PRTG: variants seen among roughly 807,000 people sequenced by gnomAD.
The protein encoded by PRTG is protogenin, also known as immunoglobulin superfamily, DCC subclass, member 5.
Under a neutral mutation model 122.5 loss-of-function variants are expected in PRTG, and 67 were observed. The observed-to-expected ratio is 0.55, with a 90% confidence interval of 0.45 to 0.67. The LOEUF is 0.67. Ranked by LOEUF, PRTG falls within the 30% of genes least tolerant of loss-of-function variation. The pLI is 0.00. For synonymous variants in PRTG, 554 were observed against 501.1 expected (o/e 1.11, Z -1.41); for missense variants, 1,435 against 1,415.4 (o/e 1.01, Z -0.22).
intron 2 of PRTG, among the ~76,000 whole-genome samples, chr15:55,693,823 C>T (rs1310220898): frequency 2.0e-5 from 3 of 152,048 alleles, no homozygotes; most frequent in East Asian, 1.9e-4. Context: ...TGTGCAGGCT[C>T]GGGAATAGTG....
chr15:55,698,832 A>G (rs770726474), intron 2 of PRTG, among the ~76,000 whole-genome samples: 1 of 152,070 alleles, frequency 6.6e-6, no homozygotes, highest in Non-Finnish European at 1.5e-5. Context: ...ATGCTCATAG[A>G]AAAAAAGGAG....
At chr15:55,668,109 T>C (rs890065298) in intron 11 of PRTG, among the ~76,000 whole-genome samples, 1 of 152,202 alleles carries the variant, frequency 6.6e-6, no homozygotes, top group Non-Finnish European at 1.5e-5. Context: ...AAATGCTGTA[T>C]AGTTTATTAT....
intron 2 of PRTG, chr15:55,702,895 C>T (rs751590809): frequency 3.0e-6 from 3 of 985,248 alleles, no homozygotes; most frequent in Non-Finnish European, 3.6e-6. Context: ...GGGGACAGAC[C>T]TTTTACAGGC....
At chr15:55,701,799 A>T (rs2029897350) in intron 2 of PRTG, among the ~76,000 whole-genome samples, 2 of 152,246 alleles carry the variant, frequency 1.3e-5, no homozygotes, top group Non-Finnish European at 2.9e-5. Context: ...TTAACAATAT[A>T]GATCAATAAA....
At chr15:55,662,330 A>C (rs1488227120) in intron 11 of PRTG, among the ~76,000 whole-genome samples, 1 of 152,192 alleles carries the variant, frequency 6.6e-6, no homozygotes, top group Non-Finnish European at 1.5e-5. Context: ...CTCTGAATTT[A>C]AGAGGCAGAA....
chr15:55,624,242 A>G (rs1436327283), intron 18 of PRTG, 100 bp downstream of exon 18: 2 of 995,964 alleles, frequency 2.0e-6, no homozygotes, highest in Non-Finnish European at 3.0e-6. Context: ...GAGTATTGGT[A>G]TAATACATTC....
chr15:55,680,399 T>C, intron 5 of PRTG, 92 bp downstream of exon 5: 2 of 1,361,482 alleles, frequency 1.5e-6, no homozygotes, highest in African/African-American at 3.0e-5. Context: ...CAAACCTGTG[T>C]TTTTGTATAT....
chr15:55,622,561 TTTTA>T (rs1278902517), intron 18 of PRTG, among the ~76,000 whole-genome samples: 5 of 11,796 alleles, frequency 4.2e-4, no homozygotes, highest in African/African-American at 5.9e-4. Context: ...TTTTTTTTTT[TTTTA>T]AATTTTTAGT....
intron 2 of PRTG, among the ~76,000 whole-genome samples, 191 bp downstream of exon 2, chr15:55,740,191 C>A (rs1465923853): frequency 6.6e-6 from 1 of 152,150 alleles, no homozygotes; most frequent in Non-Finnish European, 1.5e-5. Context: ...GACTTCTGTT[C>A]TCAATTACTC....
chr15:55,644,549 G>C (rs995842405), intron 11 of PRTG, among the ~76,000 whole-genome samples: 1 of 152,068 alleles, frequency 6.6e-6, no homozygotes, highest in African/African-American at 2.4e-5. Context: ...GACAGAAACA[G>C]CTTATGTGTC....
At position 55,612,933 on chromosome 15, in the gene PRTG, A is replaced by G. The variant is rs983269746; in HGVS notation, c.*7079T>C. The G allele has an allele frequency of 3.3e-5, 5 of 151,802 alleles. No homozygotes were observed. The highest frequency in any genetic ancestry group is 1.2e-4 in the African/African-American group (5 of 41,282). The allele number at this position is 151,802 out of a possible 1,614,324, so 9.4% of individuals were successfully genotyped here. ...GGGAGATGCAAACATTTTTCATTTC[A>G]ACAAAGGCAAAATATAATTGCAAAG... On this transcript the variant is annotated 3_prime_UTR_variant, in exon 20 of 20. Coordinates refer to ENST00000389286, the MANE Select transcript of PRTG (RefSeq NM_173814.6).
chr15:55,613,118 A>G lies in PRTG; in HGVS notation c.*6894T>C, dbSNP rs1053191677. 7 of 152,090 alleles carry G rather than the reference A, an allele frequency of 4.6e-5. No individual in the cohort carries two copies. Among genetic ancestry groups the G allele is most frequent in the Non-Finnish European group, 1.0e-4 (7 of 67,940 alleles). 9.4% of individuals were successfully genotyped at this position (152,090 alleles called of 1,614,324 possible). The stretch of plus-strand genomic sequence containing the variant: ...TCCTCATTTCATGGATGGAGAAGGC[A>G]CAGAAACAGTTTAAGAATTTTTGTA... On this transcript the variant is annotated 3_prime_UTR_variant, in exon 20 of 20. Coordinates refer to ENST00000389286, the MANE Select transcript of PRTG (RefSeq NM_173814.6).
chr15:55,659,647 C>T (rs567425809), intron 11 of PRTG, among the ~76,000 whole-genome samples: 6 of 152,198 alleles, frequency 3.9e-5, no homozygotes, highest in African/African-American at 9.6e-5. Context: ...CTGATTAGGC[C>T]GGGCGCAGTG....
chr15:55,717,962 T>G (rs1423134954), intron 2 of PRTG, among the ~76,000 whole-genome samples: 2 of 152,178 alleles, frequency 1.3e-5, no homozygotes, highest in Non-Finnish European at 2.9e-5. Flanking sequence ...CCTTTGGAGA[T>G]CAATCCCCTG....
At chr15:55,718,642 C>A (rs2030695551) in intron 2 of PRTG, among the ~76,000 whole-genome samples, 1 of 150,760 alleles carries the variant, frequency 6.6e-6, no homozygotes. Context: ...AAAAAAAACA[C>A]TTTGTAAAAA....
At chr15:55,716,508 G>A (rs1405276193) in intron 2 of PRTG, among the ~76,000 whole-genome samples, 8 of 152,136 alleles carry the variant, frequency 5.3e-5, no homozygotes, top group African/African-American at 1.9e-4. Context: ...ACTATCAAGA[G>A]GATTTCAGCA....
intron 15 of PRTG, among the ~76,000 whole-genome samples, chr15:55,634,104 G>A (rs1446649814): frequency 1.1e-5 from 1 of 92,968 alleles, no homozygotes; most frequent in Non-Finnish European, 1.9e-5. Context: ...TTTCACTCTT[G>A]TTGACCAGGC....
intron 17 of PRTG, among the ~76,000 whole-genome samples, chr15:55,625,228 G>C (rs2059188141): frequency 6.6e-6 from 1 of 152,116 alleles, no homozygotes; most frequent in African/African-American, 2.4e-5. Context: ...GCAAGTTACT[G>C]CTAAAAATTT....
In PRTG at chr15:55,611,730, AAAAAC is replaced by A. The variant is rs1203458449; in HGVS notation, c.*8277_*8281del. Reference sequence around the variant, plus strand: ...ATATTTACTATGATACTAGAAAAAAAAAAACAAATCTACATTATTAAACAAATATG... The same window carrying A: ...ATATTTACTATGATACTAGAAAAAAAAAATCTACATTATTAAACAAATATG... On this transcript the variant is annotated 3_prime_UTR_variant, in exon 20 of 20. Coordinates refer to ENST00000389286, the MANE Select transcript of PRTG (RefSeq NM_173814.6). 1 of 152,102 alleles carries A rather than the reference AAAAAC, an allele frequency of 6.6e-6. No homozygotes were observed. Among genetic ancestry groups the A allele is most frequent in the Non-Finnish European group, 1.5e-5 (1 of 67,958 alleles). 9.4% of individuals were successfully genotyped at this position (152,102 alleles called of 1,614,324 possible). A position where few individuals can be genotyped will look rare whatever the true frequency, so the allele number is the denominator to read the frequency against.
Sources: gnomAD v4.1 joint callset for allele counts (sites outside exome capture counted in the v4.1 genomes callset) on GRCh38, gnomAD v4.1.1 for gene constraint, MANE v1.5 for transcripts, NCBI Gene and HGNC (gene_info 2026-07-23, HGNC 2026-07-21) for gene names.